The following ZNF385C variants were observed in gnomAD, a reference collection of about 807,000 sequenced individuals.
ZNF385C encodes the protein CTD-2132N18.2.
ZNF385C carries 28 observed loss-of-function variants against 35.4 expected under a neutral mutation model. That is an observed-to-expected ratio of 0.79 (90% CI 0.59 to 1.08). The LOEUF (loss-of-function observed/expected upper bound fraction) is 1.08. Among genes scored for constraint, ZNF385C ranks in the 50% least tolerant of loss-of-function variants. The probability of loss-of-function intolerance (pLI) is 0.00; values close to 1 mark genes in which losing one functional copy is unlikely to be tolerated. For synonymous variants in ZNF385C, 248 were observed against 248.2 expected (o/e 1.00, Z 0.01); for missense variants, 605 against 595.6 (o/e 1.02, Z -0.16).
At chr17:42,041,082 G>C (rs1298676687) in intron 2 of ZNF385C, 2 of 1,232,282 alleles carry the variant, frequency 1.6e-6, no homozygotes, top group African/African-American at 3.1e-5. Flanking sequence ...ACAGGGCCAG[G>C]CTGTGTGACT....
intron 1 of ZNF385C, among the ~76,000 whole-genome samples, chr17:42,073,831 T>A (rs573807768): frequency 6.6e-6 from 1 of 152,274 alleles, no homozygotes; most frequent in Non-Finnish European, 1.5e-5. Flanking sequence ...GCGGTGCCAT[T>A]TACCTGCCTG....
chr17:42,092,939 C>A (rs1208278076), intron 1 of ZNF385C, among the ~76,000 whole-genome samples: 1 of 151,306 alleles, frequency 6.6e-6, no homozygotes, highest in Non-Finnish European at 1.5e-5. Flanking sequence ...CCGGGGAAGG[C>A]TGGACAGGGC....
In ZNF385C at chr17:42,029,050, G is replaced by A. The variant is rs1555654720; in HGVS notation, c.700C>T (p.Pro234Ser). 4 of 1,549,784 alleles carry A rather than the reference G, an allele frequency of 2.6e-6. No homozygotes were observed. Among genetic ancestry groups the A allele is most frequent in the Non-Finnish European group, 3.5e-6 (4 of 1,146,746 alleles). The change falls in exon 6 of 9, where the codon CCT becomes TCT. Residue 234 changes from proline to serine, a missense_variant. Coordinates refer to ENST00000692273, the MANE Select transcript of ZNF385C (RefSeq NM_001392013.1). ...SKVPAAPPLG[P>S]PLQPPPTPDP... ...GGAGTTGGTGGTGGCTGGAGTGGAG[G>A]CCCAAGAGGAGGGGCTGCAGGAACT...
intron 2 of ZNF385C, among the ~76,000 whole-genome samples, chr17:42,052,586 A>G (rs1450349442): frequency 2.0e-5 from 3 of 152,216 alleles, no homozygotes; most frequent in African/African-American, 7.2e-5. Context: ...GCATACACAG[A>G]TGGGCACGAG....
chr17:42,082,928 T>G (rs747879888), intron 1 of ZNF385C, among the ~76,000 whole-genome samples: 1 of 151,506 alleles, frequency 6.6e-6, no homozygotes, highest in Non-Finnish European at 1.5e-5. Flanking sequence ...AAATACAAAA[T>G]TTAGCCAGGA....
rs1422910421 is a variant in ZNF385C, at chr17:42,065,873, GCT to G, written c.-2-2817_-2-2816del. Among the ~76,000 whole-genome samples, 4 of 152,192 alleles carry G rather than the reference GCT, an allele frequency of 2.6e-5. No individual in the cohort carries two copies. The South Asian group carries it at 8.3e-4, about 32-fold the overall frequency. ...GATTCATACCTGGGTTCAAATCTCA[GCT>G]CTGTCACTCACTGGCTGTGTGACCT... On this transcript the variant is annotated intron_variant, in intron 1 of 8. Coordinates refer to ENST00000692273, the MANE Select transcript of ZNF385C (RefSeq NM_001392013.1).
At chr17:42,052,181 G>C (rs868921727) in intron 2 of ZNF385C, among the ~76,000 whole-genome samples, 1 of 152,164 alleles carries the variant, frequency 6.6e-6, no homozygotes, top group South Asian at 2.1e-4. Context: ...AGCCAGACCA[G>C]TACAGAAGAA....
At chr17:42,091,217 G>A (rs756694073) in intron 1 of ZNF385C, among the ~76,000 whole-genome samples, 23 of 152,164 alleles carry the variant, frequency 1.5e-4, no homozygotes, top group Admixed American at 6.5e-4. Flanking sequence ...CAGGAGGATC[G>A]CTTGAGCCCA....
intron 2 of ZNF385C, among the ~76,000 whole-genome samples, chr17:42,051,110 T>C (rs2053275000): frequency 1.3e-5 from 2 of 151,898 alleles, no homozygotes; most frequent in South Asian, 2.1e-4. Flanking sequence ...CCTCTGGAAG[T>C]TGACAGGTCG....
chr17:42,031,509 G>A, intron 5 of ZNF385C, 110 bp downstream of exon 5: 2 of 1,365,746 alleles, frequency 1.5e-6, no homozygotes, highest in Non-Finnish European at 2.0e-6. Context: ...TTGCCTGTCT[G>A]TATGGAATAC....
chr17:42,066,607 T>C (rs909406653), intron 1 of ZNF385C, among the ~76,000 whole-genome samples: 3 of 152,176 alleles, frequency 2.0e-5, no homozygotes, highest in Non-Finnish European at 4.4e-5. Flanking sequence ...CTATGTGATA[T>C]TGGTTGAATT....
intron 2 of ZNF385C, among the ~76,000 whole-genome samples, chr17:42,052,646 T>C (rs942128421): frequency 1.3e-5 from 2 of 152,078 alleles, no homozygotes; most frequent in African/African-American, 4.8e-5. Context: ...CAGATGCACA[T>C]GAACGTACAG....
chr17:42,057,640 A>G (rs60602281), intron 2 of ZNF385C, among the ~76,000 whole-genome samples: 6,807 of 151,862 alleles, frequency 0.045, 509 homozygotes, highest in African/African-American at 0.16. Flanking sequence ...AAGGCTCAAG[A>G]TGCATTCCTG....
At position 42,040,836 on chromosome 17, in the gene ZNF385C, A is replaced by G. The variant is rs958171913; in HGVS notation, c.251-2951T>C. The G allele has an allele frequency of 4.9e-6, 6 of 1,232,260 alleles. No individual in the cohort carries two copies. In the East Asian group the frequency reaches 1.9e-4, roughly 39 times the overall value. 76.3% of individuals were successfully genotyped at this position (1,232,260 alleles called of 1,614,324 possible). A position where few individuals can be genotyped will look rare whatever the true frequency, so the allele number is the denominator to read the frequency against. On this transcript the variant is annotated intron_variant, in intron 2 of 8. Transcript: ENST00000692273. ...CCGGGGGCTCAGGATCTGTCCGGCC[A>G]GGGAGACAATGCAGCTCTGCCAGCA...
chr17:42,038,041 C>T, intron 2 of ZNF385C, 156 bp from the exon 3 acceptor site: 1 of 1,535,768 alleles, frequency 6.5e-7, no homozygotes, highest in Non-Finnish European at 8.7e-7. Context: ...ATTATAGCCC[C>T]CTTCTCTGTG....
At chr17:42,033,013 C>A (rs1251571688) in intron 4 of ZNF385C, among the ~76,000 whole-genome samples, 1 of 152,104 alleles carries the variant, frequency 6.6e-6, no homozygotes, top group African/African-American at 2.4e-5. Context: ...CATGAGCCAC[C>A]ACGCCCAGCC....
intron 2 of ZNF385C, chr17:42,040,575 CCCCGCCA>C: frequency 8.1e-7 from 1 of 1,232,766 alleles, no homozygotes; most frequent in Non-Finnish European, 1.0e-6. Flanking sequence ...GGGCCAGTGA[CCCCGCCA>C]CAGGTGAGGC....
intron 1 of ZNF385C, among the ~76,000 whole-genome samples, chr17:42,086,797 TG>T (rs1372648978): frequency 1.3e-5 from 2 of 151,644 alleles, no homozygotes; most frequent in African/African-American, 4.8e-5. Flanking sequence ...TTATTAGTTA[TG>T]TTTTTTCCCA....
intron 1 of ZNF385C, among the ~76,000 whole-genome samples, chr17:42,073,222 A>C (rs1309086730): frequency 6.6e-6 from 1 of 152,162 alleles, no homozygotes; most frequent in African/African-American, 2.4e-5. Context: ...GGATCACTTG[A>C]GGTCAGGAGT....
Sources: allele counts gnomAD v4.1 joint callset (sites outside exome capture counted in the v4.1 genomes callset), GRCh38; gene constraint gnomAD v4.1.1; transcripts MANE v1.5; gene names NCBI Gene and HGNC (gene_info 2026-07-23, HGNC 2026-07-21).